PAX8: variants seen among roughly 807,000 people sequenced by gnomAD.
The protein encoded by PAX8 is paired box protein Pax-8.
Under a neutral mutation model 52.4 loss-of-function variants are expected in PAX8, and 15 were observed. The ratio of observed to expected loss-of-function variants is 0.29; its 90% CI spans 0.19 to 0.44. The LOEUF (loss-of-function observed/expected upper bound fraction) is 0.44, where lower values mean the gene tolerates loss of function less well. Ranked by LOEUF, PAX8 falls within the 20% of genes least tolerant of loss-of-function variation. The pLI, the probability that PAX8 is intolerant of heterozygous loss-of-function variation, is 1.00. For missense variants in PAX8, 554 were observed against 602.5 expected (o/e 0.92, Z 0.84); for synonymous variants, 284 against 249.7 (o/e 1.14, Z -1.29).
intron 7 of PAX8, chr2:113,236,926 A>G (rs2104464584): frequency 1.6e-6 from 1 of 623,448 alleles, no homozygotes; most frequent in Non-Finnish European, 2.7e-6. Context: ...ATTCAAGGCC[A>G]GCTGGTAGCA....
At chr2:113,260,080 A>T (rs1339812199) in intron 2 of PAX8, among the ~76,000 whole-genome samples, 2 of 152,098 alleles carry the variant, frequency 1.3e-5, no homozygotes. Context: ...AGTACATTAG[A>T]TTTCAATTCA....
intron 11 of PAX8, 29 bp from the exon 12 acceptor site, chr2:113,218,638 A>G (rs1169189084): frequency 7.0e-7 from 1 of 1,433,802 alleles, no homozygotes; most frequent in Non-Finnish European, 9.6e-7. Flanking sequence ...AATAACAACA[A>G]CACTGCTGGT....
At chr2:113,267,163 C>A (rs1300207469) in intron 2 of PAX8, 1 of 152,216 alleles carries the variant, frequency 6.6e-6, no homozygotes, top group African/African-American at 2.4e-5. Context: ...GAGAGAATAT[C>A]CTGAGCTGAG....
chr2:113,242,809 A>G, intron 4 of PAX8, 31 bp from the exon 5 acceptor site: 1 of 1,560,788 alleles, frequency 6.4e-7, no homozygotes, highest in Non-Finnish European at 8.8e-7. Context: ...GCCATGAGAG[A>G]GAAGAGGAGG....
In PAX8 at chr2:113,218,432, T is replaced by C; in HGVS notation, c.*101A>G. On this transcript the variant is annotated 3_prime_UTR_variant, in exon 12 of 12. Transcript: ENST00000429538. ...TGCCGCAATGCTGGACTTGTGGTTA[T>C]TTTTCATGTAATAAATAAAGATTCC... 1 of 641,474 alleles carries C rather than the reference T, an allele frequency of 1.6e-6. No individual in the cohort carries two copies. 39.7% of individuals were successfully genotyped at this position (641,474 alleles called of 1,614,324 possible). A position where few individuals can be genotyped will look rare whatever the true frequency, so the allele number is the denominator to read the frequency against.
In PAX8 at chr2:113,223,133, A is replaced by T. The variant is rs190035166; in HGVS notation, c.1190-2955T>A. Among the ~76,000 whole-genome samples the T allele has an allele frequency of 1.4e-4, 21 of 152,162 alleles. No individual in the cohort carries two copies. In the East Asian group the frequency reaches 4.1e-3, roughly 29 times the overall value. ...ACCTGCTGACTTATTAAAACTGGAC[A>T]TTTAGTAGGCATCTCAATCATAACA... On this transcript the variant is annotated intron_variant, in intron 10 of 11. Coordinates refer to ENST00000429538, the MANE Select transcript of PAX8 (RefSeq NM_003466.4).
At chr2:113,224,982 G>A (rs994389463) in intron 10 of PAX8, among the ~76,000 whole-genome samples, 1 of 152,076 alleles carries the variant, frequency 6.6e-6, no homozygotes, top group African/African-American at 2.4e-5. Context: ...TATGGTAGGA[G>A]GCAGTATGGT....
chr2:113,259,982 C>T (rs190631207), intron 2 of PAX8, among the ~76,000 whole-genome samples: 149 of 152,354 alleles, frequency 9.8e-4, no homozygotes, highest in Middle Eastern at 3.4e-3. Context: ...GTACAAGTTA[C>T]TGCACTACAC....
intron 2 of PAX8, among the ~76,000 whole-genome samples, chr2:113,264,918 C>T (rs1281272954): frequency 6.6e-6 from 1 of 152,156 alleles, no homozygotes; most frequent in Non-Finnish European, 1.5e-5. Flanking sequence ...GACTAGCTGG[C>T]TGGAACATGG....
At chr2:113,245,505 C>G (rs1691241879) in intron 3 of PAX8, among the ~76,000 whole-genome samples, 1 of 152,168 alleles carries the variant, frequency 6.6e-6, no homozygotes, top group Non-Finnish European at 1.5e-5. Context: ...TTAGCAGGTT[C>G]AAGTTGAAGC....
chr2:113,249,617 T>C (rs2104517713), intron 2 of PAX8, among the ~76,000 whole-genome samples: 1 of 152,256 alleles, frequency 6.6e-6, no homozygotes, highest in East Asian at 1.9e-4. Context: ...CTGTAAGTTG[T>C]GTGGGACATT....
At chr2:113,274,991 CAA>C (rs1693701224) in intron 2 of PAX8, 1 of 152,120 alleles carries the variant, frequency 6.6e-6, no homozygotes, top group South Asian at 2.1e-4. Context: ...TAATTTAAAC[CAA>C]AGTGTCCCTT....
chr2:113,253,348 G>A (rs1402243212), intron 2 of PAX8, among the ~76,000 whole-genome samples: 1 of 152,084 alleles, frequency 6.6e-6, no homozygotes, highest in Admixed American at 6.5e-5. Flanking sequence ...CCCCAGTCAG[G>A]TCCTTCCCCC....
At chr2:113,224,817 A>T (rs1325510971) in intron 10 of PAX8, among the ~76,000 whole-genome samples, 2 of 146,516 alleles carry the variant, frequency 1.4e-5, no homozygotes, top group Non-Finnish European at 3.0e-5. Context: ...AAAATAAAAT[A>T]AAAAAATAAA....
In PAX8 at chr2:113,218,658, A is replaced by G. The variant is rs1349882727; in HGVS notation, c.1277-49T>C. 3 of 1,223,330 alleles carry G rather than the reference A, an allele frequency of 2.5e-6. No homozygotes were observed. In the South Asian group the frequency reaches 4.0e-5, roughly 16 times the overall value. 75.8% of individuals were successfully genotyped at this position (1,223,330 alleles called of 1,614,324 possible). ...CAACAACACTGCTGGTCAGAAAGGAAAATTGCACCATAGCCTTCCCTGCAT... is the reference window on the plus strand; with the variant it reads ...CAACAACACTGCTGGTCAGAAAGGAGAATTGCACCATAGCCTTCCCTGCAT... On this transcript the variant is annotated intron_variant, in intron 11 of 11. Coordinates refer to ENST00000429538, the MANE Select transcript of PAX8 (RefSeq NM_003466.4).
At position 113,278,375 on chromosome 2, in the gene PAX8, C is replaced by T. The variant is rs979804694; in HGVS notation, c.20G>A (p.Arg7Lys). Residue 7 changes from arginine (R) to lysine (K), a missense_variant, in exon 2 of 12, where the codon AGA becomes AAA. By Grantham distance (26) the Arg-to-Lys change is conservative. Transcript: ENST00000429538. Reference sequence around the variant, plus strand: ...TGACCACACCGCGTTCTTACCAGATCTGATGGAGTTGTGAGGCATCGCCGG... The same window carrying T: ...TGACCACACCGCGTTCTTACCAGATTTGATGGAGTTGTGAGGCATCGCCGG... The part of the protein sequence containing the change: MPHNSI[R>K]SGHGGLNQLG... The T allele has an allele frequency of 2.5e-6, 4 of 1,608,040 alleles. No homozygotes were observed. Among genetic ancestry groups the T allele is most frequent in the African/African-American group, 1.3e-5 (1 of 74,836 alleles).
intron 2 of PAX8, chr2:113,255,428 G>A (rs946270872): frequency 6.6e-5 from 10 of 152,168 alleles, no homozygotes; most frequent in Non-Finnish European, 4.4e-5. Context: ...TAAAGAAGAC[G>A]GTCCAGATTC....
At chr2:113,218,759 C>T in intron 11 of PAX8, 150 bp from the exon 12 acceptor site, 1 of 571,118 alleles carries the variant, frequency 1.8e-6, no homozygotes, top group Non-Finnish European at 3.1e-6. Flanking sequence ...TAACTCCTCT[C>T]CAGCCCTATT....
At chr2:113,233,603 A>C (rs1406086545) in intron 9 of PAX8, among the ~76,000 whole-genome samples, 1 of 150,188 alleles carries the variant, frequency 6.7e-6, no homozygotes, top group African/African-American at 2.4e-5. Flanking sequence ...ACTTGAACCC[A>C]GGAGGTGGAG....
Sources: gnomAD v4.1 joint callset for allele counts (sites outside exome capture counted in the v4.1 genomes callset) on GRCh38, gnomAD v4.1.1 for gene constraint, MANE v1.5 for transcripts, NCBI Gene and HGNC (gene_info 2026-07-23, HGNC 2026-07-21) for gene names.